Variants in CDK19 observed in about 807,000 individuals in gnomAD.
The protein encoded by CDK19 is cyclin dependent kinase 19.
A neutral mutation model predicts 68.3 loss-of-function variants in CDK19; 20 were observed. The ratio of observed to expected loss-of-function variants is 0.29; its 90% CI spans 0.21 to 0.43. The LOEUF (loss-of-function observed/expected upper bound fraction) is 0.43. Among genes scored for constraint, CDK19 ranks in the 20% least tolerant of loss-of-function variants. The pLI is 1.00. For synonymous variants in CDK19, 221 were observed against 222.8 expected, an observed-to-expected ratio of 0.99 and a Z score of 0.07; for missense variants, 339 against 623.5, an observed-to-expected ratio of 0.54 and a Z score of 4.86.
At chr6:110,761,430 T>G (rs1312251202) in intron 1 of CDK19, among the ~76,000 whole-genome samples, 1 of 152,062 alleles carries the variant, frequency 6.6e-6, no homozygotes, top group Non-Finnish European at 1.5e-5. Context: ...GAACATGTGG[T>G]GAAGAAACAA....
intron 1 of CDK19, among the ~76,000 whole-genome samples, chr6:110,771,462 CT>C (rs993581270): frequency 1.3e-5 from 2 of 152,174 alleles, no homozygotes; most frequent in African/African-American, 4.8e-5. Flanking sequence ...AGTCCCTAGA[CT>C]TCATACAGCA....
intron 5 of CDK19, among the ~76,000 whole-genome samples, chr6:110,636,234 A>G (rs1779769613): frequency 6.6e-6 from 1 of 152,248 alleles, no homozygotes; most frequent in Non-Finnish European, 1.5e-5. Context: ...AGTTACCACA[A>G]GATATCCAAA....
chr6:110,668,131 G>A (rs1782058494), intron 3 of CDK19, among the ~76,000 whole-genome samples: 1 of 152,124 alleles, frequency 6.6e-6, no homozygotes, highest in Middle Eastern at 3.4e-3. Flanking sequence ...AATACAACTG[G>A]GTCACCATAT....
intron 12 of CDK19, among the ~76,000 whole-genome samples, chr6:110,618,103 A>C (rs1028181545): frequency 6.6e-6 from 1 of 152,020 alleles, no homozygotes; most frequent in Non-Finnish European, 1.5e-5. Context: ...ACCCATAAAG[A>C]TAGAAACCCA....
At chr6:110,616,955 A>G (rs185705759) in intron 12 of CDK19, among the ~76,000 whole-genome samples, 1 of 152,300 alleles carries the variant, frequency 6.6e-6, no homozygotes, top group East Asian at 1.9e-4. Context: ...TCAAAGCGCT[A>G]ATTGTACTTG....
chr6:110,759,302 G>A (rs943893486), intron 1 of CDK19, among the ~76,000 whole-genome samples: 6 of 150,210 alleles, frequency 4.0e-5, no homozygotes, highest in Non-Finnish European at 8.9e-5. Flanking sequence ...CTACTCGGGA[G>A]GCTGAGGCAG....
At chr6:110,661,980 T>TG (rs35026356) in intron 4 of CDK19, among the ~76,000 whole-genome samples, 32 of 151,678 alleles carry the variant, frequency 2.1e-4, no homozygotes, top group African/African-American at 5.3e-4. Flanking sequence ...TTTTATTTTT[T>TG]GGGGGGGGAG....
rs888241918 is a variant in CDK19, at chr6:110,799,389, T to C, written c.128+15620A>G. 1.2e-4 allele frequency among the ~76,000 whole-genome samples: 19 copies of C among 152,140 alleles called. No individual in the cohort carries two copies. The South Asian group carries it at 1.9e-3, about 15-fold the overall frequency. ...GGTGTGGGGAGGAGTATGCGGACCATGTGGTTGGTTTCAGTTCCTTCCAAA... is the reference window on the plus strand; with the variant it reads ...GGTGTGGGGAGGAGTATGCGGACCACGTGGTTGGTTTCAGTTCCTTCCAAA... On this transcript the variant is annotated intron_variant, in intron 1 of 12. Transcript: ENST00000368911.
At chr6:110,792,328 T>C (rs1781655243) in intron 1 of CDK19, among the ~76,000 whole-genome samples, 1 of 152,136 alleles carries the variant, frequency 6.6e-6, no homozygotes, top group Non-Finnish European at 1.5e-5. Flanking sequence ...TTACCTTTTT[T>C]CTTTATTTTC....
At chr6:110,713,495 T>C (rs1358824064) in intron 2 of CDK19, among the ~76,000 whole-genome samples, 3 of 60,608 alleles carry the variant, frequency 4.9e-5, no homozygotes, top group African/African-American at 1.7e-4. Flanking sequence ...AAAAAAAAAA[T>C]TCCTGGGCTC....
chr6:110,788,938 C>G (rs1781419045), intron 1 of CDK19, among the ~76,000 whole-genome samples: 1 of 152,098 alleles, frequency 6.6e-6, no homozygotes, highest in Non-Finnish European at 1.5e-5. Flanking sequence ...TGGTGTTATT[C>G]AAACTTTACA....
At chr6:110,713,671 T>C (rs111438744) in intron 2 of CDK19, among the ~76,000 whole-genome samples, 2 of 152,110 alleles carry the variant, frequency 1.3e-5, no homozygotes, top group African/African-American at 4.8e-5. Context: ...AAAACAACAA[T>C]ATTGAAATAA....
At position 110,769,570 on chromosome 6, in the gene CDK19, A is replaced by AT. The variant is rs1562273635; in HGVS notation, c.129-23370_129-23369insA. Among the ~76,000 whole-genome samples, 7 of 140,564 alleles carry AT rather than the reference A, an allele frequency of 5.0e-5. No individual in the cohort carries two copies. The East Asian group carries it at 1.8e-3, about 36-fold the overall frequency. 92.2% of individuals were successfully genotyped at this position (140,564 alleles called of 152,430 possible). A position where few individuals can be genotyped will look rare whatever the true frequency, so the allele number is the denominator to read the frequency against. On this transcript the variant is annotated intron_variant, in intron 1 of 12. Transcript: ENST00000368911. ...AGAGAGCAAGATTCCATCTCAAAAA[A>AT]AAAAAAAAATAATAATAATAATAAT...
chr6:110,622,988 G>C, intron 9 of CDK19, 76 bp from the exon 10 acceptor site: 1 of 895,766 alleles, frequency 1.1e-6, no homozygotes, highest in Non-Finnish European at 1.9e-6. Flanking sequence ...TTGTATTACT[G>C]TGTAACAGGA....
intron 1 of CDK19, among the ~76,000 whole-genome samples, chr6:110,778,323 C>T (rs1413563821): frequency 6.6e-6 from 1 of 152,056 alleles, no homozygotes; most frequent in Non-Finnish European, 1.5e-5. Context: ...AAAGGAATTC[C>T]TATCAATGTC....
intron 9 of CDK19, 56 bp downstream of exon 9, chr6:110,623,234 T>C (rs911642049): frequency 1.4e-5 from 20 of 1,406,634 alleles, no homozygotes; most frequent in African/African-American, 7.1e-5. Context: ...GCTGAGTAAA[T>C]AGAAGGCGAG....
At chr6:110,636,719 G>A (rs1172637299) in intron 5 of CDK19, among the ~76,000 whole-genome samples, 2 of 152,242 alleles carry the variant, frequency 1.3e-5, no homozygotes, top group East Asian at 3.9e-4. Context: ...TCTAAAAGTA[G>A]AGGAACAAAA....
intron 12 of CDK19, among the ~76,000 whole-genome samples, chr6:110,618,826 C>A (rs201748118): frequency 2.8e-5 from 1 of 35,758 alleles, no homozygotes; most frequent in African/African-American, 2.2e-4. Context: ...GACAGCCCCT[C>A]CCTCTGCTAT....
At chr6:110,700,505 C>G (rs1049324151) in intron 2 of CDK19, 1 of 151,988 alleles carries the variant, frequency 6.6e-6, no homozygotes, top group Non-Finnish European at 1.5e-5. Context: ...CCGCTCATGA[C>G]TCAATGCTGT....
Sources: gnomAD v4.1 joint callset for allele counts (sites outside exome capture counted in the v4.1 genomes callset) on GRCh38, gnomAD v4.1.1 for gene constraint, MANE v1.5 for transcripts, NCBI Gene and HGNC (gene_info 2026-07-23, HGNC 2026-07-21) for gene names.